The following MTG2 variants were observed in gnomAD, a reference collection of about 807,000 sequenced individuals.
The protein encoded by MTG2 is mitochondrial ribosome-associated GTPase 2.
A neutral mutation model predicts 28.6 loss-of-function variants in MTG2; 23 were observed. That is an observed-to-expected ratio of 0.80 (90% CI 0.58 to 1.14). MTG2 has a LOEUF of 1.14. MTG2 is among the 50% of genes most tolerant of loss of function. The probability of loss-of-function intolerance (pLI) is 0.00; values close to 1 mark genes in which losing one functional copy is unlikely to be tolerated. For missense variants in MTG2, 539 were observed against 552.0 expected, an observed-to-expected ratio of 0.98 and a Z score of 0.24; for synonymous variants, 260 against 251.8, an observed-to-expected ratio of 1.03 and a Z score of -0.31.
chr20:62,195,195 C>A (rs1474738788), intron 2 of MTG2, among the ~76,000 whole-genome samples: 1 of 151,762 alleles, frequency 6.6e-6, no homozygotes, highest in Non-Finnish European at 1.5e-5. Context: ...GACTCTGCCT[C>A]AAAAAAAACC....
intron 1 of MTG2, among the ~76,000 whole-genome samples, chr20:62,191,944 G>A (rs1312249807): frequency 2.0e-5 from 3 of 152,224 alleles, no homozygotes; most frequent in African/African-American, 7.2e-5. Flanking sequence ...CTTTGAGAGT[G>A]ACAGTAGCTG....
chr20:62,197,788 C>A, intron 3 of MTG2, 64 bp from the exon 4 acceptor site: 3 of 1,398,712 alleles, frequency 2.1e-6, no homozygotes, highest in Non-Finnish European at 3.0e-6. Flanking sequence ...TGGACCCAGA[C>A]ACATCAGCAA....
intron 1 of MTG2, among the ~76,000 whole-genome samples, chr20:62,193,018 A>G (rs1165365999): frequency 6.6e-6 from 1 of 152,224 alleles, no homozygotes; most frequent in Non-Finnish European, 1.5e-5. Flanking sequence ...AACAACTTTA[A>G]AATTACACAG....
In MTG2 at chr20:62,195,831, G is replaced by A. The variant is rs1473891927; in HGVS notation, c.234G>A (p.Val78=). 1 of 1,614,106 alleles carries A rather than the reference G, an allele frequency of 6.2e-7. No individual in the cohort carries two copies. The highest frequency in any genetic ancestry group is 8.5e-7 in the Non-Finnish European group (1 of 1,180,050). Residue 78 remains valine, a synonymous_variant, in exon 3 of 7, where the codon GTG becomes GTA. Transcript: ENST00000370823. ...LKRYFVDYRR[V]LVCGGNGGAG... ...GGTACTTTGTGGACTATCGGAGAGT[G>A]CTTGTCTGTGGAGGAAACGGAGGCG...
In MTG2 at chr20:62,197,880, G is replaced by A. The variant is rs145471301; in HGVS notation, c.381G>A (p.Ser127=). The change falls in exon 4 of 7, where the codon TCG becomes TCA. Residue 127 remains serine (S), a synonymous_variant. Coordinates refer to ENST00000370823, the MANE Select transcript of MTG2 (RefSeq NM_015666.4). ...RVDQQVKSLS[S]VLSRYQGFSG... Reference sequence around the variant, plus strand: ...ACCAGCAAGTCAAGTCCCTGTCGTCGGTCCTGTCGCGGTACCAGGGTTTCA... The same window carrying A: ...ACCAGCAAGTCAAGTCCCTGTCGTCAGTCCTGTCGCGGTACCAGGGTTTCA... The A allele has an allele frequency of 7.1e-5, 115 of 1,614,192 alleles. No individual in the cohort carries two copies. The highest frequency in any genetic ancestry group is 9.2e-5 in the Non-Finnish European group (109 of 1,180,032).
Position 62,200,656 on chromosome 20 carries a change from C to A in MTG2, c.827-27C>A, listed in dbSNP as rs1425751096. 7 of 1,565,294 alleles carry A rather than the reference C, an allele frequency of 4.5e-6. No individual in the cohort carries two copies. In the Admixed American group the frequency reaches 1.3e-4, roughly 29 times the overall value. ...GGGTGCTGGGTGTGCCAAGTGGTCA[C>A]CTCGTGTGCCCCTGTCTTCCCTGCA... On this transcript the variant is annotated intron_variant, in intron 6 of 6. Coordinates refer to ENST00000370823, the MANE Select transcript of MTG2 (RefSeq NM_015666.4).
Position 62,201,466 on chromosome 20 carries a change from G to C in MTG2, c.*389G>C, listed in dbSNP as rs1393853957. 1 of 202,962 alleles carries C rather than the reference G, an allele frequency of 4.9e-6. No homozygotes were observed. Among genetic ancestry groups the C allele is most frequent in the Non-Finnish European group, 1.0e-5 (1 of 99,654 alleles). 12.6% of individuals were successfully genotyped at this position (202,962 alleles called of 1,614,324 possible). A position where few individuals can be genotyped will look rare whatever the true frequency, so the allele number is the denominator to read the frequency against. ...GCCAGAGCCCCAGGTCAGAAGTGCA[G>C]ACCAGGGTTCTCAGCACAGTGCCCG... On this transcript the variant is annotated 3_prime_UTR_variant, in exon 7 of 7. Transcript: ENST00000370823.
At chr20:62,183,727 CT>C (rs1371787958) in intron 1 of MTG2, among the ~76,000 whole-genome samples, 7 of 152,186 alleles carry the variant, frequency 4.6e-5, no homozygotes, top group Admixed American at 4.6e-4. Context: ...AGAGAAATAC[CT>C]TTCTTTTGTA....
In MTG2 at chr20:62,197,984, G is replaced by A. The variant is rs751936187; in HGVS notation, c.468+17G>A. The A allele has an allele frequency of 6.2e-6, 10 of 1,604,544 alleles. No homozygotes were observed. The highest frequency in any genetic ancestry group is 3.3e-5 in the Admixed American group (2 of 59,990). On this transcript the variant is annotated intron_variant, in intron 4 of 6. Transcript: ENST00000370823. Reference sequence around the variant, plus strand: ...TACATCCGGGTGAGCCGAGACTGCCGGACCTGGCCCTGTCCCCGTTGTTCT... The same window carrying A: ...TACATCCGGGTGAGCCGAGACTGCCAGACCTGGCCCTGTCCCCGTTGTTCT...
chr20:62,193,683 G>T, intron 2 of MTG2, 59 bp downstream of exon 2: 1 of 1,488,478 alleles, frequency 6.7e-7, no homozygotes, highest in Admixed American at 2.1e-5. Context: ...CACAGGGTGT[G>T]GTTTCGGGTC....
chr20:62,199,413 A>G (rs1211547458), intron 6 of MTG2, 156 bp downstream of exon 6: 6 of 834,542 alleles, frequency 7.2e-6, no homozygotes, highest in Non-Finnish European at 1.1e-5. Context: ...TGGGAGGCCG[A>G]GGCAGGCGGA....
At chr20:62,193,006 G>A (rs1382103082) in intron 1 of MTG2, among the ~76,000 whole-genome samples, 1 of 152,194 alleles carries the variant, frequency 6.6e-6, no homozygotes, top group Non-Finnish European at 1.5e-5. Flanking sequence ...GTGTTCCAAT[G>A]TAACAACTTT....
rs202097884 is a variant in MTG2 at position 62,199,181 on chromosome 20, C to T, written c.750C>T (p.Ala250=). ...GGGCCATTTCAAACGCCAGACCCGC[C>T]GTGGCTTCCTACCCGTTCACCACCC... The part of the protein sequence containing the change: ...LLRAISNARP[A]VASYPFTTLK... Residue 250 remains alanine, a synonymous_variant, in exon 6 of 7, where the codon GCC becomes GCT. Transcript: ENST00000370823. 2.7e-5 allele frequency: 44 copies of T among 1,614,084 alleles called. No homozygotes were observed. The highest frequency in any genetic ancestry group is 1.9e-5 in the Non-Finnish European group (22 of 1,180,052).
intron 1 of MTG2, among the ~76,000 whole-genome samples, chr20:62,191,262 G>A (rs925240195): frequency 9.2e-5 from 14 of 152,114 alleles, no homozygotes; most frequent in South Asian, 2.1e-4. Flanking sequence ...GCAGGCAGCC[G>A]GGATAGGGAC....
chr20:62,184,727 TG>T (rs1370065725), intron 1 of MTG2, among the ~76,000 whole-genome samples: 2 of 151,996 alleles, frequency 1.3e-5, no homozygotes, highest in Non-Finnish European at 2.9e-5. Flanking sequence ...CAGGGCAGGG[TG>T]GAAAGCTGGT....
chr20:62,189,814 G>A (rs969149229), intron 1 of MTG2, among the ~76,000 whole-genome samples: 26 of 152,008 alleles, frequency 1.7e-4, no homozygotes, highest in African/African-American at 5.8e-4. Context: ...ACAGGCACAC[G>A]CCACCATGCC....
chr20:62,197,616 T>C (rs2058083626), intron 3 of MTG2: 3 of 471,506 alleles, frequency 6.4e-6, no homozygotes, highest in Non-Finnish European at 1.2e-5. Context: ...AAGCATAGAA[T>C]ACAGCTACTG....
At position 62,183,065 on chromosome 20, in the gene MTG2, C is replaced by CGGGAGCGGGGAGCGAGGAGCG. The variant is rs2057750832; in HGVS notation, c.-6+22_-6+23insAGGAGCGGGGAGCGGGGAGCG. On this transcript the variant is annotated intron_variant, in intron 1 of 6. Coordinates refer to ENST00000370823, the MANE Select transcript of MTG2 (RefSeq NM_015666.4). The stretch of plus-strand genomic sequence containing the variant: ...ACGTGCTTTCCCGAGCCGGTGAGTG[C>CGGGAGCGGGGAGCGAGGAGCG]GGGAGCGGGGAGCGGGGAGCGTGGG... The CGGGAGCGGGGAGCGAGGAGCG allele has an allele frequency of 6.6e-6, 1 of 151,848 alleles. No individual in the cohort carries two copies. The highest frequency in any genetic ancestry group is 2.4e-5 in the African/African-American group (1 of 41,082). The allele number at this position is 151,848 out of a possible 1,614,324, so 9.4% of individuals were successfully genotyped here. A position where few individuals can be genotyped will look rare whatever the true frequency, so the allele number is the denominator to read the frequency against.
chr20:62,193,666 C>T, intron 2 of MTG2, 42 bp downstream of exon 2: 1 of 1,550,136 alleles, frequency 6.5e-7, no homozygotes, highest in Non-Finnish European at 8.8e-7. Context: ...GTCTCCTCCT[C>T]AGAAGGCACA....
Sources: allele counts gnomAD v4.1 joint callset (sites outside exome capture counted in the v4.1 genomes callset), GRCh38; gene constraint gnomAD v4.1.1; transcripts MANE v1.5; gene names NCBI Gene and HGNC (gene_info 2026-07-23, HGNC 2026-07-21).